The following HHLA2 variants were observed in gnomAD, a reference collection of about 807,000 sequenced individuals.
HHLA2 encodes the protein HERV-H LTR-associating protein 2.
Under a neutral mutation model 45.9 loss-of-function variants are expected in HHLA2, and 48 were observed. The ratio of observed to expected loss-of-function variants is 1.05; its 90% confidence interval spans 0.83 to 1.33. The LOEUF (loss-of-function observed/expected upper bound fraction) is 1.33, where lower values mean the gene tolerates loss of function less well. Among genes scored for constraint, HHLA2 ranks in the 40% most tolerant of loss-of-function variants. The pLI is 0.00. For missense variants in HHLA2, 462 were observed against 494.3 expected, an observed-to-expected ratio of 0.93 and a Z score of 0.62; for synonymous variants, 161 against 173.9, an observed-to-expected ratio of 0.93 and a Z score of 0.59.
chr3:108,320,563 T>C (rs1302491129), intron 2 of HHLA2, among the ~76,000 whole-genome samples: 1 of 152,230 alleles, frequency 6.6e-6, no homozygotes, highest in South Asian at 2.1e-4. Flanking sequence ...GGGTTATGCA[T>C]TCCCTTGGTT....
intron 2 of HHLA2, among the ~76,000 whole-genome samples, chr3:108,318,166 G>A (rs1440103112): frequency 6.8e-6 from 1 of 147,056 alleles, no homozygotes; most frequent in Middle Eastern, 3.3e-3. Context: ...GGGTGACAGA[G>A]TGAGACTCCA....
At chr3:108,314,435 T>TA (rs2081069989) in intron 2 of HHLA2, among the ~76,000 whole-genome samples, 1 of 152,172 alleles carries the variant, frequency 6.6e-6, no homozygotes, top group Admixed American at 6.5e-5. Context: ...TTCTTGAAGT[T>TA]ATTGAAATTC....
chr3:108,342,315 G>A (rs1212928195), intron 3 of HHLA2, among the ~76,000 whole-genome samples: 1 of 140,038 alleles, frequency 7.1e-6, no homozygotes, highest in Non-Finnish European at 1.5e-5. Flanking sequence ...CCAGGCTGGA[G>A]TGCAACGGCG....
intron 8 of HHLA2, among the ~76,000 whole-genome samples, chr3:108,375,367 TACC>T (rs1332836133): frequency 6.6e-6 from 1 of 150,736 alleles, no homozygotes; most frequent in Non-Finnish European, 1.5e-5. Flanking sequence ...TTAGGAGATA[TACC>T]TAATGCTAAA....
chr3:108,307,117 C>T (rs2080943157), intron 1 of HHLA2, among the ~76,000 whole-genome samples: 1 of 152,048 alleles, frequency 6.6e-6, no homozygotes. Flanking sequence ...CCACTGTGCC[C>T]AGCCCTTTTT....
intron 4 of HHLA2, among the ~76,000 whole-genome samples, chr3:108,352,699 T>C (rs752836022): frequency 4.6e-5 from 7 of 152,258 alleles, no homozygotes; most frequent in Non-Finnish European, 7.3e-5. Flanking sequence ...CTTTTTGAAA[T>C]TAACTTGTGA....
rs187831105 is a variant in HHLA2, at chr3:108,339,233, G to A, written c.-27+10886G>A. Among the ~76,000 whole-genome samples, 33 of 152,238 alleles carry A rather than the reference G, an allele frequency of 2.2e-4. 1 individual carries two copies. Among genetic ancestry groups the A allele is most frequent in the Admixed American group, 1.8e-3 (28 of 15,300 alleles). On this transcript the variant is annotated intron_variant, in intron 3 of 10. Transcript: ENST00000619531. Reference sequence around the variant, plus strand: ...AATAACTTTTTGGAACCAGGTATAAGACTCACAAAAAGGTCAAGATTCACA... The same window carrying A: ...AATAACTTTTTGGAACCAGGTATAAAACTCACAAAAAGGTCAAGATTCACA...
intron 2 of HHLA2, among the ~76,000 whole-genome samples, chr3:108,316,778 C>T (rs969856058): frequency 6.6e-6 from 1 of 152,124 alleles, no homozygotes; most frequent in East Asian, 1.9e-4. Context: ...ACGCTTTAGG[C>T]CCTATTTTTT....
intron 3 of HHLA2, among the ~76,000 whole-genome samples, chr3:108,342,095 G>T (rs567208826): frequency 6.6e-6 from 1 of 152,160 alleles, no homozygotes; most frequent in Non-Finnish European, 1.5e-5. Context: ...CTGCAACACA[G>T]CTTGACAGAG....
intron 3 of HHLA2, among the ~76,000 whole-genome samples, chr3:108,348,035 A>G (rs9846701): frequency 0.68 from 102,695 of 151,840 alleles, 35,613 homozygotes; most frequent in African/African-American, 0.77. Flanking sequence ...AAGAATAGTT[A>G]AACATATGAC....
At chr3:108,359,607 T>C (rs1047406633) in intron 7 of HHLA2, among the ~76,000 whole-genome samples, 2 of 152,216 alleles carry the variant, frequency 1.3e-5, no homozygotes, top group Non-Finnish European at 2.9e-5. Context: ...GTTCTGCTGC[T>C]GAATCAATAT....
chr3:108,314,332 A>C (rs1167767506), intron 2 of HHLA2, among the ~76,000 whole-genome samples: 1 of 101,510 alleles, frequency 9.9e-6, no homozygotes, highest in African/African-American at 4.0e-5. Flanking sequence ...ATGGCCCTAT[A>C]CTGTCTCTTA....
chr3:108,374,023 C>A (rs955988524), intron 8 of HHLA2, among the ~76,000 whole-genome samples: 3 of 150,768 alleles, frequency 2.0e-5, no homozygotes, highest in Admixed American at 6.6e-5. Context: ...ATTGCCAAGT[C>A]AATCCTAAGC....
intron 3 of HHLA2, among the ~76,000 whole-genome samples, chr3:108,333,854 C>G (rs1171233826): frequency 2.0e-5 from 3 of 152,092 alleles, no homozygotes; most frequent in African/African-American, 7.2e-5. Flanking sequence ...AATTCCTTCC[C>G]CTTCATTATG....
chr3:108,366,287 A>G (rs2082061953), intron 8 of HHLA2, among the ~76,000 whole-genome samples: 1 of 152,134 alleles, frequency 6.6e-6, no homozygotes, highest in African/African-American at 2.4e-5. Context: ...ACATTTATTG[A>G]TTTGCATATG....
At chr3:108,357,168 C>G (rs1225915746) in intron 6 of HHLA2, among the ~76,000 whole-genome samples, 1 of 152,100 alleles carries the variant, frequency 6.6e-6, no homozygotes, top group Non-Finnish European at 1.5e-5. Context: ...CATCACTCTC[C>G]TGCAGGTAGA....
chr3:108,365,071 CATGTCT>C (rs1364002430), intron 8 of HHLA2, among the ~76,000 whole-genome samples: 4 of 152,126 alleles, frequency 2.6e-5, no homozygotes, highest in Admixed American at 1.3e-4. Flanking sequence ...AGTCCTTGTC[CATGTCT>C]ATGTCCTGAA....
intron 1 of HHLA2, among the ~76,000 whole-genome samples, chr3:108,307,897 GTA>G (rs780425376): frequency 2.6e-5 from 4 of 151,718 alleles, no homozygotes; most frequent in African/African-American, 4.8e-5. Flanking sequence ...TACATAACAG[GTA>G]TATATATGTA....
intron 2 of HHLA2, chr3:108,326,530 GAAT>G (rs1423718752): frequency 1.3e-5 from 2 of 152,130 alleles, no homozygotes; most frequent in Non-Finnish European, 2.9e-5. Flanking sequence ...TAACATGTAG[GAAT>G]TATGGGAGCT....
Sources: gnomAD v4.1 joint callset for allele counts (sites outside exome capture counted in the v4.1 genomes callset) on GRCh38, gnomAD v4.1.1 for gene constraint, MANE v1.5 for transcripts, NCBI Gene and HGNC (gene_info 2026-07-23, HGNC 2026-07-21) for gene names.